WSCD2: variants seen among roughly 807,000 people sequenced by gnomAD.
The protein encoded by WSCD2 is WSC domain sialate O sulfotransferase 2.
In WSCD2, 28 loss-of-function variants were observed where a neutral mutation model predicts 55.7. That is an observed-to-expected ratio of 0.50 (90% CI 0.37 to 0.69). The LOEUF (loss-of-function observed/expected upper bound fraction) is 0.69. WSCD2 is among the 30% of genes least tolerant of loss of function. WSCD2 has a pLI of 0.00. For synonymous variants in WSCD2, 301 were observed against 301.9 expected (o/e 1.00, Z 0.03); for missense variants, 616 against 762.1 (o/e 0.81, Z 2.26).
At chr12:108,183,642 G>A (rs1444344666) in intron 1 of WSCD2, among the ~76,000 whole-genome samples, 1 of 152,166 alleles carries the variant, frequency 6.6e-6, no homozygotes, top group African/African-American at 2.4e-5. Flanking sequence ...CTTCTGAGCG[G>A]GCTCTGAGCA....
Position 108,248,544 on chromosome 12 carries a change from A to G in WSCD2, c.*201A>G, listed in dbSNP as rs1232520041. 1.1e-5 allele frequency: 15 copies of G among 1,396,100 alleles called. No homozygotes were observed. The highest frequency in any genetic ancestry group is 5.6e-6 in the Non-Finnish European group (6 of 1,077,562). The allele number at this position is 1,396,100 out of a possible 1,614,324, so 86.5% of individuals were successfully genotyped here. A position where few individuals can be genotyped will look rare whatever the true frequency, so the allele number is the denominator to read the frequency against. On this transcript the variant is annotated 3_prime_UTR_variant, in exon 9 of 9. Transcript: ENST00000547525. The surrounding 1 kb of genome is among the most constrained non-coding windows in gnomAD (Gnocchi z 4.3). ...TTGCCCAGGCACTACCACTCTGCTC[A>G]CATGTTCCCCCCTTGGCAATGTGGG... is the stretch of plus-strand genomic sequence containing the variant.
chr12:108,222,773 T>C (rs1887677156), intron 4 of WSCD2, among the ~76,000 whole-genome samples: 1 of 152,150 alleles, frequency 6.6e-6, no homozygotes, highest in Non-Finnish European at 1.5e-5. Context: ...CTTTATTACA[T>C]AAAAATACAT....
intron 1 of WSCD2, chr12:108,189,277 G>C (rs922117449): frequency 6.6e-6 from 1 of 152,082 alleles, no homozygotes; most frequent in African/African-American, 2.4e-5. Flanking sequence ...ATCAATAAAG[G>C]GTGTATTATT....
chr12:108,237,750 G>C (rs1889383467), intron 7 of WSCD2, among the ~76,000 whole-genome samples: 1 of 152,192 alleles, frequency 6.6e-6, no homozygotes, highest in Non-Finnish European at 1.5e-5. Flanking sequence ...CCAGAATCTG[G>C]AATATGAAAC....
intron 6 of WSCD2, among the ~76,000 whole-genome samples, chr12:108,229,511 C>A (rs899834341): frequency 1.3e-5 from 2 of 152,150 alleles, no homozygotes; most frequent in African/African-American, 4.8e-5. Context: ...AATTCACACT[C>A]ATTATCCCAC....
chr12:108,187,862 T>G (rs1344259892), intron 1 of WSCD2, among the ~76,000 whole-genome samples: 3 of 152,108 alleles, frequency 2.0e-5, no homozygotes, highest in Admixed American at 2.0e-4. Context: ...AGTGTGTGAC[T>G]CTGGCCCTGA....
At chr12:108,158,229 C>A (rs1283295919) in intron 1 of WSCD2, among the ~76,000 whole-genome samples, 1 of 152,068 alleles carries the variant, frequency 6.6e-6, no homozygotes, top group East Asian at 1.9e-4. Flanking sequence ...AACTGGACAC[C>A]CAGAGATTAA....
intron 2 of WSCD2, among the ~76,000 whole-genome samples, chr12:108,205,859 G>A (rs185239739): frequency 3.5e-4 from 53 of 152,340 alleles, no homozygotes; most frequent in Non-Finnish European, 6.3e-4. Context: ...CCTAGACCTT[G>A]AGATAGCTAA....
At chr12:108,144,802 C>T (rs1877219439) in intron 1 of WSCD2, among the ~76,000 whole-genome samples, 1 of 152,192 alleles carries the variant, frequency 6.6e-6, no homozygotes, top group Non-Finnish European at 1.5e-5. Flanking sequence ...GCCTCCTTTA[C>T]TCCCCCAGCA....
chr12:108,232,903 G>A lies in WSCD2; in HGVS notation c.1144+8G>A. 6.2e-7 allele frequency: 1 copy of A among 1,607,874 alleles called. No individual in the cohort carries two copies. The highest frequency in any genetic ancestry group is 8.5e-7 in the Non-Finnish European group (1 of 1,175,022). ...GCTCCCTCTACAACAAAGGTGAGGA[G>A]ATGGCAGGGAGGGCAGGGCAAGAGG... is the stretch of plus-strand genomic sequence containing the variant. On this transcript the variant is annotated splice_region_variant and intron_variant, in intron 7 of 8. Coordinates refer to ENST00000547525, the MANE Select transcript of WSCD2 (RefSeq NM_014653.4).
intron 2 of WSCD2, among the ~76,000 whole-genome samples, chr12:108,201,046 T>C (rs534984300): frequency 6.6e-6 from 1 of 152,220 alleles, no homozygotes; most frequent in Non-Finnish European, 1.5e-5. Flanking sequence ...AAATTAATGT[T>C]ACTTAGGTCA....
At chr12:108,135,744 G>T (rs1876125693) in intron 1 of WSCD2, among the ~76,000 whole-genome samples, 1 of 152,198 alleles carries the variant, frequency 6.6e-6, no homozygotes, top group Admixed American at 6.5e-5. Context: ...AGGAAATATT[G>T]GACCCAGCTT....
At chr12:108,211,377 A>T (rs1295560580) in intron 4 of WSCD2, among the ~76,000 whole-genome samples, 1 of 152,174 alleles carries the variant, frequency 6.6e-6, no homozygotes, top group Non-Finnish European at 1.5e-5. Context: ...TAAAATGCAG[A>T]TTCCAATTCA....
In WSCD2 at chr12:108,248,858, A is replaced by C; in HGVS notation, c.*515A>C. ...TTTAACTCAGGCCACCTTCTGTTCT[A>C]AAGAAAGATTGCTGGGAAGTTTCTC... On this transcript the variant is annotated 3_prime_UTR_variant, in exon 9 of 9. Transcript: ENST00000547525. This position sits in a 1 kb window ranked among gnomAD's most constrained non-coding sequence, Gnocchi z 4.3. 1 of 988,898 alleles carries C rather than the reference A, an allele frequency of 1.0e-6. No homozygotes were observed. The highest frequency in any genetic ancestry group is 1.2e-6 in the Non-Finnish European group (1 of 831,820). 61.3% of individuals were successfully genotyped at this position (988,898 alleles called of 1,614,324 possible). A position where few individuals can be genotyped will look rare whatever the true frequency, so the allele number is the denominator to read the frequency against.
chr12:108,161,873 G>A (rs1035127656), intron 1 of WSCD2, among the ~76,000 whole-genome samples: 52 of 152,170 alleles, frequency 3.4e-4, no homozygotes, highest in African/African-American at 9.7e-4. Context: ...GGCCCTCAGT[G>A]CCCTTATCTG....
chr12:108,178,105 C>T (rs1881139287), intron 1 of WSCD2, among the ~76,000 whole-genome samples: 1 of 152,116 alleles, frequency 6.6e-6, no homozygotes, highest in Non-Finnish European at 1.5e-5. Context: ...TTTATTATCT[C>T]ACAGTTCTGG....
chr12:108,197,595 T>C (rs1161589001), intron 2 of WSCD2, among the ~76,000 whole-genome samples: 2 of 152,128 alleles, frequency 1.3e-5, no homozygotes, highest in Non-Finnish European at 2.9e-5. Flanking sequence ...GATGAAGGCC[T>C]AGCACTGAGT....
At chr12:108,221,762 G>A (rs1398306925) in intron 4 of WSCD2, among the ~76,000 whole-genome samples, 2 of 152,142 alleles carry the variant, frequency 1.3e-5, no homozygotes, top group Non-Finnish European at 2.9e-5. Flanking sequence ...ATGTTCTCAG[G>A]GTAGTAGGCA....
At chr12:108,203,988 G>A (rs1327175810) in intron 2 of WSCD2, among the ~76,000 whole-genome samples, 1 of 152,220 alleles carries the variant, frequency 6.6e-6, no homozygotes, top group Non-Finnish European at 1.5e-5. Context: ...AGGAAAAGCG[G>A]AAGTAACATG....
Sources: gnomAD v4.1 joint callset for allele counts (sites outside exome capture counted in the v4.1 genomes callset) on GRCh38, gnomAD v4.1.1 for gene constraint, Gnocchi (gnomAD v3.1) non-coding constraint, MANE v1.5 for transcripts, NCBI Gene and HGNC (gene_info 2026-07-23, HGNC 2026-07-21) for gene names.